PPP6R1: variants seen among roughly 807,000 people sequenced by gnomAD.
PPP6R1 encodes the protein serine/threonine-protein phosphatase 6 regulatory subunit 1.
Under a neutral mutation model 104.6 loss-of-function variants are expected in PPP6R1, and 39 were observed. That is an observed-to-expected ratio of 0.37 (90% CI 0.29 to 0.49). PPP6R1 has a LOEUF of 0.49. Ranked by LOEUF, PPP6R1 falls within the 20% of genes least tolerant of loss-of-function variation. PPP6R1 has a pLI of 0.98. For synonymous variants in PPP6R1, 549 were observed against 479.0 expected (o/e 1.15, Z -1.91); for missense variants, 1,181 against 1,155.8 (o/e 1.02, Z -0.32).
downstream of PPP6R1, chr19:55,229,516 G>T (rs867332825): frequency 1.1e-3 from 171 of 152,468 alleles, no homozygotes; most frequent in Middle Eastern, 0.01. Flanking sequence ...GGTTACTGGG[G>T]GTAAGCAGGG....
chr19:55,240,770 C>T (rs1260232110), intron 10 of PPP6R1, among the ~76,000 whole-genome samples, 175 bp downstream of exon 10: 1 of 152,214 alleles, frequency 6.6e-6, no homozygotes, highest in Non-Finnish European at 1.5e-5. Context: ...CCTGCACCTG[C>T]ATGTTTCATC....
At chr19:55,236,134 A>C (rs1162712673) in intron 17 of PPP6R1, among the ~76,000 whole-genome samples, 5 of 146,826 alleles carry the variant, frequency 3.4e-5, no homozygotes, top group African/African-American at 1.3e-4. Flanking sequence ...GTGCCCGGCT[A>C]ATTTGTTGAT....
chr19:55,240,616 C>T (rs1170006395), intron 10 of PPP6R1, among the ~76,000 whole-genome samples: 1 of 147,924 alleles, frequency 6.8e-6, no homozygotes, highest in African/African-American at 2.5e-5. Flanking sequence ...CTCGTGTGCA[C>T]TCACACACAT....
At chr19:55,236,614 TG>T in intron 17 of PPP6R1, 28 bp downstream of exon 17, 1 of 1,497,348 alleles carries the variant, frequency 6.7e-7, no homozygotes. Flanking sequence ...GGTGGAAGCT[TG>T]GAGAAGGGAA....
chr19:55,231,452 G>T lies in PPP6R1; in HGVS notation c.2417C>A (p.Ala806Asp). 6.2e-7 allele frequency: 1 copy of T among 1,607,904 alleles called. No homozygotes were observed. The highest frequency in any genetic ancestry group is 8.5e-7 in the Non-Finnish European group (1 of 1,177,650). The change falls in exon 21 of 24, where the codon GCC becomes GAC. Residue 806 changes from alanine (A) to aspartate (D), a missense_variant. Ala to Asp is a moderately radical substitution (Grantham distance 126, BLOSUM62 -2). This residue lies in a region of PPP6R1 where 1,042 missense variants were observed against 955.6 expected (regional missense o/e 1.09). Coordinates refer to ENST00000412770, the MANE Select transcript of PPP6R1 (RefSeq NM_014931.4). ...QALVSIGDLQ[A>D]TFHGIRSAPS... ...GGCAGAACGGATCCCGTGGAAGGTGGCCTGAAGGTCCCCGATGCTAACCAA... is the reference window on the plus strand; with the variant it reads ...GGCAGAACGGATCCCGTGGAAGGTGTCCTGAAGGTCCCCGATGCTAACCAA...
chr19:55,236,093 CG>C (rs1322802761), intron 17 of PPP6R1, among the ~76,000 whole-genome samples: 1 of 150,622 alleles, frequency 6.6e-6, no homozygotes, highest in Non-Finnish European at 1.5e-5. Context: ...GGCCTCCTCC[CG>C]AAGTACTGGG....
At position 55,252,290 on chromosome 19, in the gene PPP6R1, C is replaced by T. The variant is rs181738099; in HGVS notation, c.-6-5181G>A. ...TGTCACCCAGCCTGGAGTGCAGTGGCGCGATCTCGGCTCACCGCAACCTCC... is the reference window on the plus strand; with the variant it reads ...TGTCACCCAGCCTGGAGTGCAGTGGTGCGATCTCGGCTCACCGCAACCTCC... On this transcript the variant is annotated intron_variant, in intron 1 of 23. Coordinates refer to ENST00000412770, the MANE Select transcript of PPP6R1 (RefSeq NM_014931.4). Among the ~76,000 whole-genome samples the T allele has an allele frequency of 3.4e-4, 52 of 152,100 alleles. No homozygotes were observed. The East Asian group carries it at 7.1e-3, about 21-fold the overall frequency.
chr19:55,250,372 G>A (rs749264777), intron 1 of PPP6R1, among the ~76,000 whole-genome samples: 1 of 152,218 alleles, frequency 6.6e-6, no homozygotes, highest in Admixed American at 6.5e-5. Context: ...TATTTTCAGG[G>A]TGCAGAGCCC....
At chr19:55,239,215 G>A (rs1449271961) in intron 15 of PPP6R1, 190 bp downstream of exon 15, 16 of 612,666 alleles carry the variant, frequency 2.6e-5, no homozygotes, top group South Asian at 2.3e-4. Context: ...TGGAACTCAT[G>A]TAACAGGAGG....
Position 55,248,295 on chromosome 19 carries a change from G to A in PPP6R1, c.-6-1186C>T, listed in dbSNP as rs112490864. ...GTCATCACTCCGCCACACAGGACAA[G>A]GGGCAACCAAAGCCCGGTAAGTCAG... On this transcript the variant is annotated intron_variant, in intron 1 of 23. Transcript: ENST00000412770. Among the ~76,000 whole-genome samples the A allele has an allele frequency of 4.5e-3, 681 of 152,262 alleles. 5 individuals carry two copies. The highest frequency in any genetic ancestry group is 0.016 in the African/African-American group (645 of 41,548).
At chr19:55,238,729 C>T (rs955771270) in intron 15 of PPP6R1, 1 of 152,286 alleles carries the variant, frequency 6.6e-6, no homozygotes, top group Non-Finnish European at 1.5e-5. Flanking sequence ...CTCCTGACCT[C>T]AGGTGATCTG....
At position 55,230,547 on chromosome 19, in the gene PPP6R1, G is replaced by T; in HGVS notation, c.2643-16C>A. On this transcript the variant is annotated splice_polypyrimidine_tract_variant and intron_variant, in intron 23 of 23. Transcript: ENST00000412770. ...AGGCAGCTATCTGGAAACAGAGGGA[G>T]ATGTCGTGTGAGGGTCTAGCAGGCC... 1 of 1,613,612 alleles carries T rather than the reference G, an allele frequency of 6.2e-7. No homozygotes were observed. Among genetic ancestry groups the T allele is most frequent in the Non-Finnish European group, 8.5e-7 (1 of 1,179,828 alleles).
At chr19:55,239,149 A>T (rs2087425320) in intron 15 of PPP6R1, 5 of 503,902 alleles carry the variant, frequency 9.9e-6, no homozygotes, top group African/African-American at 5.8e-5. Flanking sequence ...CCAGCACAGA[A>T]GATGTTTGTG....
At position 55,242,148 on chromosome 19, in the gene PPP6R1, G is replaced by A; in HGVS notation, c.845+18C>T. On this transcript the variant is annotated intron_variant, in intron 7 of 23. Coordinates refer to ENST00000412770, the MANE Select transcript of PPP6R1 (RefSeq NM_014931.4). ...TGGGGATGGGCAGCATGCATGGTCTGTGGCCCGTATCCCTCACCTCGGCCT... is the reference window on the plus strand; with the variant it reads ...TGGGGATGGGCAGCATGCATGGTCTATGGCCCGTATCCCTCACCTCGGCCT... 1 of 1,605,462 alleles carries A rather than the reference G, an allele frequency of 6.2e-7. No homozygotes were observed. The highest frequency in any genetic ancestry group is 8.5e-7 in the Non-Finnish European group (1 of 1,176,034).
In PPP6R1 at chr19:55,245,194, G is replaced by T; in HGVS notation, c.553-9C>A. On this transcript the variant is annotated splice_polypyrimidine_tract_variant and intron_variant, in intron 4 of 23. Transcript: ENST00000412770. The surrounding 1 kb of genome is among the most constrained non-coding windows in gnomAD (Gnocchi z 6.4). ...TTCTCCTCGTTGAGCCACTGAGGGT[G>T]AGAAGGCGAGGGATGCATCGCTGTC... The T allele has an allele frequency of 6.2e-7, 1 of 1,612,132 alleles. No homozygotes were observed. Among genetic ancestry groups the T allele is most frequent in the South Asian group, 1.1e-5 (1 of 90,616 alleles).
intron 12 of PPP6R1, 35 bp downstream of exon 12, chr19:55,239,964 C>A (rs1471580133): frequency 7.4e-6 from 12 of 1,611,214 alleles, no homozygotes; most frequent in East Asian, 2.2e-5. Context: ...TTCAAGCCCC[C>A]CACCTAGCCC....
Position 55,258,635 on chromosome 19 carries a change from CA to C in PPP6R1, c.-208del, listed in dbSNP as rs1289693056. On this transcript the variant is annotated 5_prime_UTR_variant, in exon 1 of 24. Coordinates refer to ENST00000412770, the MANE Select transcript of PPP6R1 (RefSeq NM_014931.4). ...TGGGGTCCTCGCGCGCCGGGTCCTG[CA>C]GAGTTGAGGGGGTCAGCGCCGGGTG... The C allele has an allele frequency of 6.6e-6, 1 of 151,294 alleles. No individual in the cohort carries two copies. The highest frequency in any genetic ancestry group is 1.5e-5 in the Non-Finnish European group (1 of 67,806). The allele number at this position is 151,294 out of a possible 1,614,324, so 9.4% of individuals were successfully genotyped here.
At position 55,258,647 on chromosome 19, in the gene PPP6R1, G is replaced by A. The variant is rs1043275961; in HGVS notation, c.-219C>T. On this transcript the variant is annotated 5_prime_UTR_variant, in exon 1 of 24. Transcript: ENST00000412770. The stretch of plus-strand genomic sequence containing the variant: ...GCGCCGGGTCCTGCAGAGTTGAGGG[G>A]GTCAGCGCCGGGTGGAGTTGCCGAC... The A allele has an allele frequency of 6.7e-6, 1 of 150,010 alleles. No individual in the cohort carries two copies. Among genetic ancestry groups the A allele is most frequent in the African/African-American group, 2.5e-5 (1 of 39,808 alleles). The allele number at this position is 150,010 out of a possible 1,614,324, so 9.3% of individuals were successfully genotyped here.
At position 55,229,940 on chromosome 19, in the gene PPP6R1, G is replaced by C. The variant is rs533163643; in HGVS notation, c.*588C>G. ...TCAAGGCCCCTGGGGCTGTTGCCGG[G>C]GAGGCCCCTGCTCCCCAGAGCCGGA... is the stretch of plus-strand genomic sequence containing the variant. On this transcript the variant is annotated 3_prime_UTR_variant, in exon 24 of 24. Transcript: ENST00000412770. 6.5e-6 allele frequency: 1 copy of C among 152,846 alleles called. No individual in the cohort carries two copies. Among genetic ancestry groups the C allele is most frequent in the East Asian group, 1.9e-4 (1 of 5,174 alleles). 9.5% of individuals were successfully genotyped at this position (152,846 alleles called of 1,614,324 possible).
Sources: allele counts gnomAD v4.1 joint callset (sites outside exome capture counted in the v4.1 genomes callset), GRCh38; gene constraint gnomAD v4.1.1; regional missense constraint gnomAD v4.1.1; non-coding constraint Gnocchi (gnomAD v3.1); transcripts MANE v1.5; gene names NCBI Gene and HGNC (gene_info 2026-07-23, HGNC 2026-07-21).